The following PTPRM variants were observed in gnomAD, a reference collection of about 807,000 sequenced individuals.
PTPRM encodes protein tyrosine phosphatase receptor type M, also known as receptor-type tyrosine-protein phosphatase mu.
Under a neutral mutation model 186.7 loss-of-function variants are expected in PTPRM, and 47 were observed. The observed-to-expected ratio is 0.25, with a 90% CI of 0.20 to 0.32. The LOEUF is 0.32. Among genes scored for constraint, PTPRM ranks in the 10% least tolerant of loss-of-function variants. The pLI, the probability that PTPRM is intolerant of heterozygous loss-of-function variation, is 1.00. For missense variants in PTPRM, 1,494 were observed against 1,865.0 expected (o/e 0.80, Z 3.66); for synonymous variants, 668 against 674.9 (o/e 0.99, Z 0.16).
At chr18:8,190,272 C>T (rs530807043) in intron 14 of PTPRM, among the ~76,000 whole-genome samples, 10 of 152,292 alleles carry the variant, frequency 6.6e-5, no homozygotes, top group South Asian at 4.1e-4. Context: ...ATCATTCCAG[C>T]CTCCCTCCCC....
intron 2 of PTPRM, among the ~76,000 whole-genome samples, chr18:7,816,394 A>C (rs74902300): frequency 0.024 from 3,598 of 152,282 alleles, 134 homozygotes; most frequent in African/African-American, 0.081. Flanking sequence ...TCCCTCATAT[A>C]CTTGTAAATT....
intron 1 of PTPRM, among the ~76,000 whole-genome samples, chr18:7,572,754 A>G (rs1007015309): frequency 6.6e-6 from 1 of 152,206 alleles, no homozygotes; most frequent in African/African-American, 2.4e-5. Context: ...TTCACTTTTT[A>G]GTGTGCTTAC....
At chr18:7,647,005 C>G (rs776213966) in intron 1 of PTPRM, among the ~76,000 whole-genome samples, 1 of 152,126 alleles carries the variant, frequency 6.6e-6, no homozygotes, top group Admixed American at 6.6e-5. Flanking sequence ...CTATTTTTTG[C>G]CATGTGTCTT....
At chr18:7,856,712 C>G (rs894440985) in intron 2 of PTPRM, among the ~76,000 whole-genome samples, 2 of 150,980 alleles carry the variant, frequency 1.3e-5, no homozygotes, top group Admixed American at 6.6e-5. Flanking sequence ...CCACTGCACT[C>G]CAGCCTGGGC....
intron 2 of PTPRM, among the ~76,000 whole-genome samples, chr18:7,850,166 A>T (rs1174867623): frequency 3.9e-5 from 6 of 152,204 alleles, no homozygotes; most frequent in African/African-American, 1.4e-4. Flanking sequence ...TATATTGTAT[A>T]TGCATGTTTA....
At chr18:8,170,496 A>T (rs1409375543) in intron 14 of PTPRM, among the ~76,000 whole-genome samples, 2 of 125,796 alleles carry the variant, frequency 1.6e-5, no homozygotes, top group Admixed American at 7.6e-5. Context: ...CTCAAGGGTT[A>T]AAAAAAAAAA....
chr18:7,939,322 G>A lies in PTPRM; in HGVS notation c.664-9859G>A, dbSNP rs73381820. Among the ~76,000 whole-genome samples, 1,382 of 152,274 alleles carry A rather than the reference G, an allele frequency of 9.1e-3. 27 individuals carry two copies. Among genetic ancestry groups the A allele is most frequent in the African/African-American group, 0.032 (1,323 of 41,554 alleles). Reference sequence around the variant, plus strand: ...TACTCAGAGCAGCTCCAAAATGCCTGAGATTGATTAATTTGCTGCAAGTGC... The same window carrying A: ...TACTCAGAGCAGCTCCAAAATGCCTAAGATTGATTAATTTGCTGCAAGTGC... On this transcript the variant is annotated intron_variant, in intron 5 of 32. Coordinates refer to ENST00000580170, the MANE Select transcript of PTPRM (RefSeq NM_001105244.2).
At chr18:8,212,231 G>T (rs758659523) in intron 14 of PTPRM, among the ~76,000 whole-genome samples, 18 of 152,158 alleles carry the variant, frequency 1.2e-4, no homozygotes, top group Non-Finnish European at 2.6e-4. Context: ...ACGGAAATTT[G>T]GACAGACAGA....
chr18:7,960,480 T>TATACACACAC (rs1300573371), intron 7 of PTPRM, among the ~76,000 whole-genome samples: 4 of 86,598 alleles, frequency 4.6e-5, no homozygotes, highest in African/African-American at 1.7e-4. Context: ...TATATATATA[T>TATACACACAC]ACACACACAC....
In PTPRM at chr18:7,976,182, T is replaced by C. The variant is rs188366008; in HGVS notation, c.1132+20768T>C. Among the ~76,000 whole-genome samples the C allele has an allele frequency of 3.7e-3, 560 of 151,620 alleles. 2 individuals are homozygous for C. The highest frequency in any genetic ancestry group is 0.013 in the African/African-American group (532 of 41,336). ...GACTCCGTCTCAAAAAAATAAAAAA[T>C]AAAAAATGAAAAAAAGAACGTTTCT... On this transcript the variant is annotated intron_variant, in intron 7 of 32. Transcript: ENST00000580170.
intron 14 of PTPRM, among the ~76,000 whole-genome samples, chr18:8,144,215 G>A (rs960868899): frequency 6.6e-6 from 1 of 152,210 alleles, no homozygotes; most frequent in South Asian, 2.1e-4. Context: ...TAGGCACCGT[G>A]CTAGGGAAGG....
At chr18:8,298,027 G>A (rs976452841) in intron 20 of PTPRM, among the ~76,000 whole-genome samples, 1 of 152,196 alleles carries the variant, frequency 6.6e-6, no homozygotes, top group African/African-American at 2.4e-5. Flanking sequence ...CCATGGAGAT[G>A]AGATGGTGCC....
At chr18:7,791,747 C>T (rs1348326762) in intron 2 of PTPRM, among the ~76,000 whole-genome samples, 2 of 152,096 alleles carry the variant, frequency 1.3e-5, no homozygotes, top group African/African-American at 2.4e-5. Flanking sequence ...TACAGGAGAA[C>T]ATTATTTAAA....
At chr18:7,771,047 T>C (rs928796289) in intron 1 of PTPRM, among the ~76,000 whole-genome samples, 1 of 152,240 alleles carries the variant, frequency 6.6e-6, no homozygotes, top group African/African-American at 2.4e-5. Flanking sequence ...AATTATAACC[T>C]GGCACCAGTG....
intron 1 of PTPRM, among the ~76,000 whole-genome samples, chr18:7,755,984 G>A (rs778590690): frequency 1.1e-4 from 17 of 152,088 alleles, no homozygotes; most frequent in Non-Finnish European, 1.9e-4. Flanking sequence ...TTCCTCTGTT[G>A]TATCAGATTC....
At chr18:8,353,191 A>C (rs951592666) in intron 23 of PTPRM, among the ~76,000 whole-genome samples, 4 of 152,148 alleles carry the variant, frequency 2.6e-5, no homozygotes, top group Non-Finnish European at 4.4e-5. Context: ...TGCCTGATGC[A>C]GCTGATGAGG....
At chr18:7,756,897 C>T (rs1227985643) in intron 1 of PTPRM, among the ~76,000 whole-genome samples, 1 of 152,134 alleles carries the variant, frequency 6.6e-6, no homozygotes, top group African/African-American at 2.4e-5. Flanking sequence ...ATCAATGTGG[C>T]AGTGTAATAG....
At chr18:7,994,193 G>A (rs188668381) in intron 7 of PTPRM, among the ~76,000 whole-genome samples, 1 of 151,608 alleles carries the variant, frequency 6.6e-6, no homozygotes, top group East Asian at 1.9e-4. Flanking sequence ...AGAACTTTAA[G>A]TCAAAAAACA....
At chr18:7,953,739 G>C (rs2053125785) in intron 6 of PTPRM, among the ~76,000 whole-genome samples, 1 of 152,124 alleles carries the variant, frequency 6.6e-6, no homozygotes, top group African/African-American at 2.4e-5. Context: ...TATCAGCTCA[G>C]GTGCAAACCT....
Sources: gnomAD v4.1 joint callset for allele counts (sites outside exome capture counted in the v4.1 genomes callset) on GRCh38, gnomAD v4.1.1 for gene constraint, MANE v1.5 for transcripts, NCBI Gene and HGNC (gene_info 2026-07-23, HGNC 2026-07-21) for gene names.